Variants in SIGLEC12 observed in about 807,000 individuals in gnomAD.
SIGLEC12 encodes sialic acid binding Ig like lectin 12.
Under a neutral mutation model 54.1 loss-of-function variants are expected in SIGLEC12, and 43 were observed. The ratio of observed to expected loss-of-function variants is 0.80; its 90% CI spans 0.62 to 1.03. The LOEUF (loss-of-function observed/expected upper bound fraction) is 1.03, where lower values mean the gene tolerates loss of function less well. Among genes scored for constraint, SIGLEC12 ranks in the 50% least tolerant of loss-of-function variants. SIGLEC12 has a pLI of 0.00. For synonymous variants in SIGLEC12, 357 were observed against 307.6 expected, an observed-to-expected ratio of 1.16 and a Z score of -1.68; for missense variants, 802 against 735.2, an observed-to-expected ratio of 1.09 and a Z score of -1.05.
At position 51,491,487 on chromosome 19, in the gene SIGLEC12, G is replaced by T; in HGVS notation, c.*154C>A. The T allele has an allele frequency of 1.4e-6, 1 of 714,224 alleles. No individual in the cohort carries two copies. The highest frequency in any genetic ancestry group is 1.8e-5 in the African/African-American group (1 of 55,620). 44.2% of individuals were successfully genotyped at this position (714,224 alleles called of 1,614,324 possible). A position where few individuals can be genotyped will look rare whatever the true frequency, so the allele number is the denominator to read the frequency against. Reference sequence around the variant, plus strand: ...ATTGGATGGAGAAAGGGAGAGTTTGGTCATCAGGCACGCATTTTCAGTTTG... The same window carrying T: ...ATTGGATGGAGAAAGGGAGAGTTTGTTCATCAGGCACGCATTTTCAGTTTG... On this transcript the variant is annotated 3_prime_UTR_variant, in exon 8 of 8. Transcript: ENST00000291707.
intron 7 of SIGLEC12, among the ~76,000 whole-genome samples, chr19:51,496,181 A>G (rs564921147): frequency 4.0e-4 from 61 of 152,356 alleles, no homozygotes; most frequent in African/African-American, 1.4e-3. Context: ...TAAAAAGTCC[A>G]TGGAAAGCCT....
intron 7 of SIGLEC12, 131 bp from the exon 8 acceptor site, chr19:51,491,960 T>TACG (rs1990115526): frequency 1.6e-6 from 1 of 615,602 alleles, no homozygotes; most frequent in African/African-American, 1.9e-5. Flanking sequence ...ATCTCTTTAA[T>TACG]ACGTTCCTCT....
intron 7 of SIGLEC12, among the ~76,000 whole-genome samples, chr19:51,492,811 A>G (rs955005765): frequency 1.3e-5 from 2 of 152,232 alleles, no homozygotes; most frequent in African/African-American, 2.4e-5. Flanking sequence ...CTGCCTGCCA[A>G]TGCCTTGATT....
intron 1 of SIGLEC12, 94 bp from the exon 2 acceptor site, chr19:51,500,394 G>A: frequency 1.2e-6 from 2 of 1,603,086 alleles, no homozygotes; most frequent in Non-Finnish European, 1.7e-6. Context: ...GAGGCTTCCT[G>A]GGCTCCCTGT....
chr19:51,497,297 G>T, intron 6 of SIGLEC12, 52 bp downstream of exon 6: 1 of 1,522,916 alleles, frequency 6.6e-7, no homozygotes, highest in Non-Finnish European at 9.1e-7. Context: ...CAGGGATTTT[G>T]TTCCCAGCCT....
rs778548115 is a variant in SIGLEC12, at chr19:51,491,565, T to G, written c.*76A>C. 141 of 1,425,272 alleles carry G rather than the reference T, an allele frequency of 9.9e-5. No homozygotes were observed. Among genetic ancestry groups the G allele is most frequent in the Non-Finnish European group, 1.4e-4 (138 of 1,016,130 alleles). 88.3% of individuals were successfully genotyped at this position (1,425,272 alleles called of 1,614,324 possible). Reference sequence around the variant, plus strand: ...TTGCACAGCATGGAGGGCTGTTAATTCTAAAGGAATCAGTCTCGGGCTTCT... The same window carrying G: ...TTGCACAGCATGGAGGGCTGTTAATGCTAAAGGAATCAGTCTCGGGCTTCT... On this transcript the variant is annotated 3_prime_UTR_variant, in exon 8 of 8. Coordinates refer to ENST00000291707, the MANE Select transcript of SIGLEC12 (RefSeq NM_053003.4).
At chr19:51,496,390 G>A (rs931307807) in intron 7 of SIGLEC12, among the ~76,000 whole-genome samples, 1 of 152,084 alleles carries the variant, frequency 6.6e-6, no homozygotes, top group Non-Finnish European at 1.5e-5. Flanking sequence ...ACTTGAACCC[G>A]GGAGGTGGAG....
chr19:51,500,738 G>A (rs3810106), intron 1 of SIGLEC12, among the ~76,000 whole-genome samples: 91,180 of 150,600 alleles, frequency 0.61, 28,100 homozygotes, highest in Admixed American at 0.69. Flanking sequence ...GGATCTCCGA[G>A]GACCTCGGGG....
chr19:51,499,310 C>A, intron 3 of SIGLEC12, 93 bp from the exon 4 acceptor site: 2 of 1,575,626 alleles, frequency 1.3e-6, no homozygotes, highest in Non-Finnish European at 1.7e-6. Context: ...GAAGGTGGAG[C>A]CAGCATCCTC....
chr19:51,493,999 T>C (rs58042497), intron 7 of SIGLEC12, among the ~76,000 whole-genome samples: 16,898 of 152,254 alleles, frequency 0.11, 1,052 homozygotes, highest in Middle Eastern at 0.24. Context: ...GTTCTTGGCC[T>C]TGCTTCCCTC....
chr19:51,492,714 T>C (rs1193701512), intron 7 of SIGLEC12, among the ~76,000 whole-genome samples: 1 of 151,862 alleles, frequency 6.6e-6, no homozygotes, highest in East Asian at 1.9e-4. Flanking sequence ...AGAGGGAGGG[T>C]CCTGAGCCAA....
rs989533456 is a variant in SIGLEC12 at position 51,501,588 on chromosome 19, G to T, written c.146C>A (p.Pro49His). Residue 49 changes from proline (P) to histidine (H), a missense_variant, in exon 1 of 8, where the codon CCC becomes CAC. Pro to His is a moderately conservative substitution (Grantham distance 77, BLOSUM62 -2). Transcript: ENST00000291707. Reference protein sequence around the residue: ...CVSVLCSFSYPQNGWTASDPV... With the variant: ...CVSVLCSFSYHQNGWTASDPV... ...ATCGGAGGCAGTCCAGCCATTTTGG[G>T]GGTAGGAGAAGGAGCAAAGCACAGA... 2 of 1,614,014 alleles carry T rather than the reference G, an allele frequency of 1.2e-6. No homozygotes were observed. The highest frequency in any genetic ancestry group is 1.7e-6 in the Non-Finnish European group (2 of 1,179,932).
At chr19:51,501,247 G>T in intron 1 of SIGLEC12, 60 bp downstream of exon 1, 6 of 1,549,306 alleles carry the variant, frequency 3.9e-6, no homozygotes, top group Non-Finnish European at 4.4e-6. Flanking sequence ...TCCCGTCTCA[G>T]CCGTGCCCTA....
chr19:51,499,729 G>A lies in SIGLEC12; in HGVS notation c.809-13C>T, dbSNP rs778435575. On this transcript the variant is annotated splice_polypyrimidine_tract_variant and intron_variant, in intron 2 of 7. Coordinates refer to ENST00000291707, the MANE Select transcript of SIGLEC12 (RefSeq NM_053003.4). ...ATGTGAGTCAGGGCTGGTGATGAAA[G>A]GGAGACAGGCAAAATGAGGGTGTTG... The A allele has an allele frequency of 1.1e-5, 18 of 1,612,986 alleles. No individual in the cohort carries two copies. Among genetic ancestry groups the A allele is most frequent in the Non-Finnish European group, 1.4e-5 (16 of 1,179,558 alleles).
At chr19:51,496,381 C>T (rs569067483) in intron 7 of SIGLEC12, among the ~76,000 whole-genome samples, 1 of 152,210 alleles carries the variant, frequency 6.6e-6, no homozygotes, top group South Asian at 2.1e-4. Flanking sequence ...GGCAGAATTA[C>T]TTGAACCCGG....
chr19:51,499,527 G>A lies in SIGLEC12; in HGVS notation c.998C>T (p.Pro333Leu). The change falls in exon 3 of 8, where the codon CCC (proline) becomes CTC (leucine). Residue 333 changes from proline to leucine, a missense_variant. By Grantham distance (98) the Pro-to-Leu change is moderately conservative. Coordinates refer to ENST00000291707, the MANE Select transcript of SIGLEC12 (RefSeq NM_053003.4). ...GGTGAGGCTGGTGCCATGGTCCTGG[G>A]GCTGTGGGATGAGGCTGAGCATCGA... ...RSSMLSLIPQPQDHGTSLTCQ... is the reference protein window; with the variant it reads ...RSSMLSLIPQLQDHGTSLTCQ... The A allele has an allele frequency of 6.2e-7, 1 of 1,611,066 alleles. No homozygotes were observed. Among genetic ancestry groups the A allele is most frequent in the Non-Finnish European group, 8.5e-7 (1 of 1,178,460 alleles).
rs1195988652 is a variant in SIGLEC12 at position 51,499,492 on chromosome 19, T to C, written c.1033A>G (p.Thr345Ala). 7 of 1,606,688 alleles carry C rather than the reference T, an allele frequency of 4.4e-6. No individual in the cohort carries two copies. The highest frequency in any genetic ancestry group is 3.4e-5 in the Admixed American group (2 of 58,350). The stretch of plus-strand genomic sequence containing the variant: ...ATGGTCACGCCGGCCCCAGGCAAGG[T>C]CACCTGACAGGTGAGGCTGGTGCCA... Reference protein sequence around the residue: ...DHGTSLTCQVTLPGAGVTMTR... With the variant: ...DHGTSLTCQVALPGAGVTMTR... Residue 345 changes from threonine to alanine, a missense_variant, in exon 3 of 8, where the codon ACC (threonine) becomes GCC (alanine). By Grantham distance (58) the Thr-to-Ala change is moderately conservative. Transcript: ENST00000291707.
Position 51,498,035 on chromosome 19 carries a change from A to G in SIGLEC12, c.1388T>C (p.Leu463Pro), listed in dbSNP as rs935303184. The change falls in exon 5 of 8, where the codon CTG (leucine) becomes CCG (proline). Residue 463 changes from leucine (L) to proline (P), a missense_variant. Coordinates refer to ENST00000291707, the MANE Select transcript of SIGLEC12 (RefSeq NM_053003.4). The stretch of plus-strand genomic sequence containing the variant: ...CTACCCACCTGTGTACTCGTTTTGC[A>G]GGGAGAGGCTCAGGGAAATGTGCTG... ...GSQHISLSLSLQNEYTGKMRP... is the reference protein window; with the variant it reads ...GSQHISLSLSPQNEYTGKMRP... The G allele has an allele frequency of 9.3e-6, 15 of 1,614,070 alleles. No homozygotes were observed. The highest frequency in any genetic ancestry group is 2.2e-5 in the East Asian group (1 of 44,902).
intron 7 of SIGLEC12, among the ~76,000 whole-genome samples, chr19:51,495,849 C>T (rs774207794): frequency 2.6e-5 from 4 of 152,112 alleles, no homozygotes; most frequent in Non-Finnish European, 5.9e-5. Context: ...ACATTCAATA[C>T]AATCAATAAA....
Sources: gnomAD v4.1 joint callset for allele counts (sites outside exome capture counted in the v4.1 genomes callset) on GRCh38, gnomAD v4.1.1 for gene constraint, MANE v1.5 for transcripts, NCBI Gene and HGNC (gene_info 2026-07-23, HGNC 2026-07-21) for gene names.